The following SAMD14 variants were observed in gnomAD, a reference collection of about 807,000 sequenced individuals.
SAMD14 encodes sterile alpha motif domain containing 14.
A neutral mutation model predicts 46.2 loss-of-function variants in SAMD14; 27 were observed. The observed-to-expected ratio is 0.58, with a 90% CI of 0.43 to 0.81. The LOEUF is 0.81. SAMD14 is among the 30% of genes least tolerant of loss of function. SAMD14 has a pLI of 0.00. For missense variants in SAMD14, 559 were observed against 582.2 expected (o/e 0.96, Z 0.41); for synonymous variants, 241 against 254.3 (o/e 0.95, Z 0.50).
chr17:50,114,141 G>A, intron 8 of SAMD14, 46 bp downstream of exon 8: 2 of 1,614,052 alleles, frequency 1.2e-6, no homozygotes, highest in Non-Finnish European at 1.7e-6. Context: ...ACCTTGCAGA[G>A]TCAGAGGTCA....
rs145034256 is a variant in SAMD14, at chr17:50,114,377, C to T, written c.823-71G>A. ...CCCACCATCCCTATCTGGGTGGAGC[C>T]GAAGTCCTGGACTAGGCACCAGGAG... On this transcript the variant is annotated intron_variant, in intron 7 of 9. Coordinates refer to ENST00000330175, the MANE Select transcript of SAMD14 (RefSeq NM_001257359.2). 49 of 1,613,920 alleles carry T rather than the reference C, an allele frequency of 3.0e-5. No homozygotes were observed. Among genetic ancestry groups the T allele is most frequent in the African/African-American group, 1.2e-4 (9 of 74,898 alleles).
At chr17:50,125,645 C>T (rs1911733910) in intron 1 of SAMD14, among the ~76,000 whole-genome samples, 1 of 152,110 alleles carries the variant, frequency 6.6e-6, no homozygotes, top group African/African-American at 2.4e-5. Context: ...TCTTTGCATC[C>T]ATCAATTCTC....
intron 1 of SAMD14, among the ~76,000 whole-genome samples, chr17:50,127,035 G>A (rs1168480638): frequency 1.3e-5 from 2 of 151,698 alleles, no homozygotes; most frequent in African/African-American, 4.8e-5. Context: ...GAGAGGTGGA[G>A]GTTGCAGTGA....
rs114394600 is a variant in SAMD14, at chr17:50,112,961, C to A, written c.1186G>T (p.Ala396Ser). The change falls in exon 10 of 10, where the codon GCC becomes TCC. Residue 396 changes from alanine (A) to serine (S), a missense_variant. Coordinates refer to ENST00000330175, the MANE Select transcript of SAMD14 (RefSeq NM_001257359.2). ...MAAAAEKERKAQEKAARQREK... is the reference protein window; with the variant it reads ...MAAAAEKERKSQEKAARQREK... ...CGCTGCCGCGCAGCCTTCTCCTGGG[C>A]CTTGCGCTCCTTCTCGGCAGCTGCT... is the stretch of plus-strand genomic sequence containing the variant. 3.2e-5 allele frequency: 52 copies of A among 1,611,116 alleles called. No individual in the cohort carries two copies. The highest frequency in any genetic ancestry group is 4.2e-5 in the Non-Finnish European group (49 of 1,179,988).
rs1026672970 is a variant in SAMD14, at chr17:50,129,289, A to G, written c.-13+228T>C. Among the ~76,000 whole-genome samples the G allele has an allele frequency of 3.2e-4, 47 of 148,878 alleles. No individual in the cohort carries two copies. The highest frequency in any genetic ancestry group is 5.4e-4 in the Non-Finnish European group (36 of 67,024). ...CCCCCTCCCCCCACACCAGCTTTTT[A>G]TTAATTTCTCCGGGCGTCGGGCGGG... On this transcript the variant is annotated intron_variant, in intron 1 of 9. Coordinates refer to ENST00000330175, the MANE Select transcript of SAMD14 (RefSeq NM_001257359.2). This position sits in a 1 kb window ranked among gnomAD's most constrained non-coding sequence, Gnocchi z 5.6.
At position 50,112,990 on chromosome 17, in the gene SAMD14, A is replaced by G. The variant is rs1910942404; in HGVS notation, c.1157T>C (p.Met386Thr). 2 of 1,612,074 alleles carry G rather than the reference A, an allele frequency of 1.2e-6. No homozygotes were observed. The highest frequency in any genetic ancestry group is 1.7e-5 in the Admixed American group (1 of 60,002). The change falls in exon 10 of 10, where the codon ATG becomes ACG. Residue 386 changes from methionine (M) to threonine (T), a missense_variant. Met to Thr is a moderately conservative substitution (Grantham distance 81, BLOSUM62 -1). Coordinates refer to ENST00000330175, the MANE Select transcript of SAMD14 (RefSeq NM_001257359.2). ...RALVKRKLKE[M>T]AAAAEKERKA... ...GCGCTCCTTCTCGGCAGCTGCTGCC[A>G]TCTCCTTCAACTTGCGCTTCACCAG...
At position 50,129,164 on chromosome 17, in the gene SAMD14, C is replaced by T. The variant is rs1439252421; in HGVS notation, c.-13+353G>A. ...TGAGGTTGGGGACAGGGCACCTACT[C>T]CACTCTCAGAGCCCTTCTCCCCAGT... On this transcript the variant is annotated intron_variant, in intron 1 of 9. Transcript: ENST00000330175. The surrounding 1 kb of genome is among the most constrained non-coding windows in gnomAD (Gnocchi z 5.6). Among the ~76,000 whole-genome samples, 6 of 152,106 alleles carry T rather than the reference C, an allele frequency of 3.9e-5. No individual in the cohort carries two copies. The highest frequency in any genetic ancestry group is 1.2e-4 in the African/African-American group (5 of 41,404).
At position 50,112,777 on chromosome 17, in the gene SAMD14, G is replaced by A. The variant is rs1910922243; in HGVS notation, c.*116C>T. ...GTAAGAGAGAGCATGTCCCCCCTGAGAGCGTGGGACCAGGCTAGCCCAAGT... is the reference window on the plus strand; with the variant it reads ...GTAAGAGAGAGCATGTCCCCCCTGAAAGCGTGGGACCAGGCTAGCCCAAGT... On this transcript the variant is annotated 3_prime_UTR_variant, in exon 10 of 10. Coordinates refer to ENST00000330175, the MANE Select transcript of SAMD14 (RefSeq NM_001257359.2). 1.6e-6 allele frequency: 2 copies of A among 1,221,724 alleles called. No homozygotes were observed. The highest frequency in any genetic ancestry group is 2.9e-4 in the Middle Eastern group (1 of 3,446). 75.7% of individuals were successfully genotyped at this position (1,221,724 alleles called of 1,614,324 possible). A position where few individuals can be genotyped will look rare whatever the true frequency, so the allele number is the denominator to read the frequency against.
chr17:50,119,719 G>A (rs1268693102), intron 2 of SAMD14, among the ~76,000 whole-genome samples: 1 of 152,198 alleles, frequency 6.6e-6, no homozygotes, highest in South Asian at 2.1e-4. Flanking sequence ...CAAGTCGCCC[G>A]AGTCAGACAG....
chr17:50,114,508 A>G (rs1911074228), intron 7 of SAMD14: 5 of 1,487,480 alleles, frequency 3.4e-6, no homozygotes, highest in Non-Finnish European at 4.6e-6. Context: ...GCAGGCAGCC[A>G]TCTGGAGGAC....
chr17:50,117,553 G>A lies in SAMD14; in HGVS notation c.353C>T (p.Pro118Leu), dbSNP rs767339009. The change falls in exon 4 of 10, where the codon CCG (proline) becomes CTG (leucine). Residue 118 changes from proline (P) to leucine (L), a missense_variant. Physicochemically the swap from Pro to Leu is moderately conservative, Grantham distance 98. Transcript: ENST00000330175. The part of the protein sequence containing the change: ...SLDEDEPPPS[P>L]LTRYRPLHNA... ...GTGCAGGGGCCGGTAGCGTGTGAGC[G>A]GCGAGGGCGGCGGCTCGTCCTCGTC... is the stretch of plus-strand genomic sequence containing the variant. The A allele has an allele frequency of 6.4e-7, 1 of 1,551,828 alleles. No homozygotes were observed. Among genetic ancestry groups the A allele is most frequent in the Admixed American group, 1.8e-5 (1 of 54,842 alleles).
At chr17:50,128,094 C>T (rs949932803) in intron 1 of SAMD14, among the ~76,000 whole-genome samples, 1 of 152,188 alleles carries the variant, frequency 6.6e-6, no homozygotes, top group African/African-American at 2.4e-5. Context: ...AACTGCCTCT[C>T]CCATCAGAAT....
rs145039235 is a variant in SAMD14 at position 50,126,331 on chromosome 17, G to C, written c.-12-1360C>G. Among the ~76,000 whole-genome samples, 921 of 146,590 alleles carry C rather than the reference G, an allele frequency of 6.3e-3. 10 individuals are homozygous for C. The highest frequency in any genetic ancestry group is 0.022 in the African/African-American group (873 of 39,152). On this transcript the variant is annotated intron_variant, in intron 1 of 9. Transcript: ENST00000330175. ...TTTTTTTTTTTTTTTTTGAGACGGA[G>C]TCTCACTCTGTCACCCAGGCTGGAG...
intron 1 of SAMD14, among the ~76,000 whole-genome samples, chr17:50,127,575 T>G (rs1911836326): frequency 6.6e-6 from 1 of 151,046 alleles, no homozygotes; most frequent in Non-Finnish European, 1.5e-5. Flanking sequence ...CACTCCAGCC[T>G]GGGCAACAAG....
At chr17:50,125,540 C>A (rs549561350) in intron 1 of SAMD14, among the ~76,000 whole-genome samples, 3 of 152,124 alleles carry the variant, frequency 2.0e-5, no homozygotes, top group African/African-American at 7.2e-5. Flanking sequence ...CTTGCCTACT[C>A]ATCATCCATT....
intron 1 of SAMD14, chr17:50,125,198 C>A (rs1039659122): frequency 3.0e-5 from 16 of 527,120 alleles, no homozygotes; most frequent in Non-Finnish European, 4.8e-5. Context: ...AGACGCAAAA[C>A]CAAGGCACAG....
chr17:50,124,264 G>A (rs1253538300), intron 2 of SAMD14: 1 of 444,298 alleles, frequency 2.3e-6, no homozygotes, highest in African/African-American at 2.0e-5. Flanking sequence ...GTACCGTGGT[G>A]TGTGCATGCA....
intron 1 of SAMD14, among the ~76,000 whole-genome samples, chr17:50,127,651 G>A (rs1911841241): frequency 6.6e-6 from 1 of 151,984 alleles, no homozygotes; most frequent in African/African-American, 2.4e-5. Context: ...TAAATGCCTG[G>A]GGCTGAAAGC....
chr17:50,110,892 C>G lies in SAMD14; in HGVS notation c.*2001G>C, dbSNP rs1048181323. The G allele has an allele frequency of 6.6e-6, 1 of 152,344 alleles. No homozygotes were observed. The highest frequency in any genetic ancestry group is 1.5e-5 in the Non-Finnish European group (1 of 68,136). 9.4% of individuals were successfully genotyped at this position (152,344 alleles called of 1,614,324 possible). Reference sequence around the variant, plus strand: ...CCCACTGTGCCCAGACATGTGTGCTCAGGGTGGCTTTCTCCCTAGGACCTT... The same window carrying G: ...CCCACTGTGCCCAGACATGTGTGCTGAGGGTGGCTTTCTCCCTAGGACCTT... On this transcript the variant is annotated 3_prime_UTR_variant, in exon 10 of 10. Coordinates refer to ENST00000330175, the MANE Select transcript of SAMD14 (RefSeq NM_001257359.2).
Sources: allele counts gnomAD v4.1 joint callset (sites outside exome capture counted in the v4.1 genomes callset), GRCh38; gene constraint gnomAD v4.1.1; non-coding constraint Gnocchi (gnomAD v3.1); transcripts MANE v1.5; gene names NCBI Gene and HGNC (gene_info 2026-07-23, HGNC 2026-07-21).